Variants in SYCP2L observed in about 807,000 individuals in gnomAD.
SYCP2L encodes the protein synaptonemal complex protein 2-like.
A neutral mutation model predicts 125.8 loss-of-function variants in SYCP2L; 98 were observed. The ratio of observed to expected loss-of-function variants is 0.78; its 90% CI spans 0.66 to 0.92. The LOEUF is 0.92. Ranked by LOEUF, SYCP2L falls within the 40% of genes least tolerant of loss-of-function variation. The probability of loss-of-function intolerance (pLI) is 0.00; values close to 1 mark genes in which losing one functional copy is unlikely to be tolerated. For synonymous variants in SYCP2L, 317 were observed against 325.4 expected (o/e 0.97, Z 0.28); for missense variants, 842 against 936.4 (o/e 0.90, Z 1.32).
chr6:10,896,641 G>C (rs965470352), intron 4 of SYCP2L, among the ~76,000 whole-genome samples: 1 of 152,198 alleles, frequency 6.6e-6, no homozygotes, highest in Non-Finnish European at 1.5e-5. Context: ...TCTAGTATAA[G>C]TATTTGTCTG....
In SYCP2L at chr6:10,924,225, C is replaced by G. The variant is rs184984007; in HGVS notation, c.1073-271C>G. 2.8e-4 allele frequency among the ~76,000 whole-genome samples: 43 copies of G among 152,250 alleles called. No individual in the cohort carries two copies. The East Asian group carries it at 8.3e-3, about 29-fold the overall frequency. On this transcript the variant is annotated intron_variant, in intron 14 of 29. Transcript: ENST00000283141. ...CTTAAAAAAACTGAATTGCAGAAGACAAAACTATCTTCATTTCTTTGCTGC... is the reference window on the plus strand; with the variant it reads ...CTTAAAAAAACTGAATTGCAGAAGAGAAAACTATCTTCATTTCTTTGCTGC...
intron 8 of SYCP2L, among the ~76,000 whole-genome samples, chr6:10,904,387 C>T (rs898404402): frequency 3.9e-5 from 6 of 152,156 alleles, no homozygotes; most frequent in African/African-American, 9.7e-5. Flanking sequence ...ACATTATTTG[C>T]GTGGTGTGTG....
At chr6:10,966,732 A>G (rs776427515) in intron 29 of SYCP2L, among the ~76,000 whole-genome samples, 1 of 152,228 alleles carries the variant, frequency 6.6e-6, no homozygotes, top group Non-Finnish European at 1.5e-5. Flanking sequence ...AAATAAACAA[A>G]ATGGAAACCA....
intron 1 of SYCP2L, among the ~76,000 whole-genome samples, chr6:10,889,915 C>T (rs771532653): frequency 6.6e-5 from 10 of 152,162 alleles, no homozygotes; most frequent in South Asian, 4.1e-4. Flanking sequence ...CCACCGCACC[C>T]GGCCGAGATC....
chr6:10,931,587 T>C, intron 20 of SYCP2L, 98 bp downstream of exon 20: 1 of 1,201,556 alleles, frequency 8.3e-7, no homozygotes, highest in Non-Finnish European at 1.2e-6. Context: ...AACAAAATAT[T>C]GGTTTACTGA....
intron 1 of SYCP2L, among the ~76,000 whole-genome samples, chr6:10,889,800 A>G (rs889470172): frequency 2.0e-5 from 3 of 151,718 alleles, no homozygotes; most frequent in Non-Finnish European, 2.9e-5. Context: ...TTCTATTTTT[A>G]GTAGAGACAG....
At position 10,917,119 on chromosome 6, in the gene SYCP2L, C is replaced by T. The variant is rs189605468; in HGVS notation, c.1072+4192C>T. 5.0e-3 allele frequency among the ~76,000 whole-genome samples: 754 copies of T among 152,218 alleles called. 8 individuals carry two copies. The highest frequency in any genetic ancestry group is 0.025 in the South Asian group (120 of 4,814). ...CCTGTTGAATAGAACGTATATTCTG[C>T]GGTTGTTGGATGGAATGTTCTGTAT... On this transcript the variant is annotated intron_variant, in intron 14 of 29. Coordinates refer to ENST00000283141, the MANE Select transcript of SYCP2L (RefSeq NM_001040274.3).
rs376820975 is a variant in SYCP2L at position 10,930,324 on chromosome 6, C to T, written c.1489-46C>T. 35 of 1,579,610 alleles carry T rather than the reference C, an allele frequency of 2.2e-5. No homozygotes were observed. In the Admixed American group the frequency reaches 2.3e-4, roughly 10 times the overall value. On this transcript the variant is annotated intron_variant, in intron 18 of 29. Coordinates refer to ENST00000283141, the MANE Select transcript of SYCP2L (RefSeq NM_001040274.3). Reference sequence around the variant, plus strand: ...AATATGTTTAGTTATACATAAGAGGCACTAACACCCCTCTAAAAATTCTCA... The same window carrying T: ...AATATGTTTAGTTATACATAAGAGGTACTAACACCCCTCTAAAAATTCTCA...
In SYCP2L at chr6:10,916,164, A is replaced by G. The variant is rs1780689722; in HGVS notation, c.1072+3237A>G. Among the ~76,000 whole-genome samples the G allele has an allele frequency of 2.6e-5, 4 of 152,102 alleles. No individual in the cohort carries two copies. In the South Asian group the frequency reaches 8.3e-4, roughly 31 times the overall value. On this transcript the variant is annotated intron_variant, in intron 14 of 29. Transcript: ENST00000283141. ...TTGTATTTCAGTGGTGTCAGTTGTA[A>G]TATCTCCTGTTTCATTTCTTACTGA...
In SYCP2L at chr6:10,887,094, G is replaced by T. The variant is rs17581350; in HGVS notation, c.-33G>T. The stretch of plus-strand genomic sequence containing the variant: ...CCGACCGAGCGCAACAAAGCTGAGC[G>T]GCGCGTCGCTTCAGGAACGAAGAAG... On this transcript the variant is annotated 5_prime_UTR_variant, in exon 1 of 30. Transcript: ENST00000283141. 1,052 of 1,614,042 alleles carry T rather than the reference G, an allele frequency of 6.5e-4. No individual in the cohort carries two copies. The highest frequency in any genetic ancestry group is 8.6e-4 in the Non-Finnish European group (1,009 of 1,179,940).
rs1561681701 is a variant in SYCP2L at position 10,902,696 on chromosome 6, T to C, written c.486T>C (p.Asp162=). The part of the protein sequence containing the change: ...SSSEGKIQML[D]SFLLSLGFLV... ...TTTCAGGGAAAATTCAGATGTTGGATTCCTTCCTACTTAGCTTAGGATTCC... is the reference window on the plus strand; with the variant it reads ...TTTCAGGGAAAATTCAGATGTTGGACTCCTTCCTACTTAGCTTAGGATTCC... Residue 162 remains aspartate, a synonymous_variant, in exon 7 of 30, where the codon GAT becomes GAC. Coordinates refer to ENST00000283141, the MANE Select transcript of SYCP2L (RefSeq NM_001040274.3). 1.2e-6 allele frequency: 2 copies of C among 1,613,620 alleles called. No individual in the cohort carries two copies. Among genetic ancestry groups the C allele is most frequent in the Non-Finnish European group, 1.7e-6 (2 of 1,179,836 alleles).
rs1207236522 is a variant in SYCP2L at position 10,940,908 on chromosome 6, C to A, written c.1814-1551C>A. On this transcript the variant is annotated intron_variant, in intron 21 of 29. Transcript: ENST00000283141. ...ATCACAAGATTGAGGTGGAAGAATC[C>A]CTGCCCGTGTTATTTGAGGCCAGAT... 3.9e-5 allele frequency among the ~76,000 whole-genome samples: 6 copies of A among 152,034 alleles called. No individual in the cohort carries two copies. The East Asian group carries it at 7.8e-4, about 20-fold the overall frequency.
intron 14 of SYCP2L, among the ~76,000 whole-genome samples, chr6:10,916,402 T>C (rs1366795136): frequency 6.6e-6 from 1 of 152,240 alleles, no homozygotes; most frequent in Non-Finnish European, 1.5e-5. Context: ...CCTTGAGGTG[T>C]GACCTTAGAT....
chr6:10,922,228 T>C (rs1780810877), intron 14 of SYCP2L, among the ~76,000 whole-genome samples: 1 of 152,134 alleles, frequency 6.6e-6, no homozygotes, highest in African/African-American at 2.4e-5. Context: ...TGGTTTTTAA[T>C]TTACAAAGTG....
intron 14 of SYCP2L, among the ~76,000 whole-genome samples, chr6:10,922,041 T>C (rs1001163169): frequency 6.6e-6 from 1 of 152,158 alleles, no homozygotes; most frequent in Admixed American, 6.5e-5. Flanking sequence ...TTTGTTTGTT[T>C]GTTTTTCATA....
intron 24 of SYCP2L, among the ~76,000 whole-genome samples, 193 bp from the exon 25 acceptor site, chr6:10,955,943 T>C (rs541863690): frequency 1.3e-4 from 20 of 152,282 alleles, no homozygotes; most frequent in Admixed American, 9.8e-4. Flanking sequence ...GTTGCCCCGA[T>C]TTAAAGTGCT....
chr6:10,914,397 A>T (rs1440730879), intron 14 of SYCP2L, among the ~76,000 whole-genome samples: 1 of 152,108 alleles, frequency 6.6e-6, no homozygotes, highest in African/African-American at 2.4e-5. Context: ...TGCTGTTTTC[A>T]TGACTATGGC....
chr6:10,888,669 T>A (rs149775922), intron 1 of SYCP2L, among the ~76,000 whole-genome samples: 1 of 152,096 alleles, frequency 6.6e-6, no homozygotes, highest in Non-Finnish European at 1.5e-5. Context: ...CATCTCTGCA[T>A]ACGAATTGAA....
At chr6:10,892,260 A>C (rs1031001426) in intron 2 of SYCP2L, among the ~76,000 whole-genome samples, 1 of 152,212 alleles carries the variant, frequency 6.6e-6, no homozygotes, top group African/African-American at 2.4e-5. Context: ...GGACTAAAGC[A>C]AAGGATTTTG....
Sources: gnomAD v4.1 joint callset for allele counts (sites outside exome capture counted in the v4.1 genomes callset) on GRCh38, gnomAD v4.1.1 for gene constraint, MANE v1.5 for transcripts, NCBI Gene and HGNC (gene_info 2026-07-23, HGNC 2026-07-21) for gene names.